CST2: variants seen among roughly 807,000 people sequenced by gnomAD.
CST2 encodes the protein cystatin SA, also known as cystatin-SA.
In CST2, 26 loss-of-function variants were observed where a neutral mutation model predicts 13.4. That is an observed-to-expected ratio of 1.95 (90% CI 1.43 to 2.70). CST2 has a LOEUF of 2.70. CST2 is among the 30% of genes most tolerant of loss of function. The pLI is 0.00. For missense variants in CST2, 243 were observed against 173.4 expected, an observed-to-expected ratio of 1.40 and a Z score of -2.25; for synonymous variants, 105 against 71.1, an observed-to-expected ratio of 1.48 and a Z score of -2.40.
chr20:23,824,754 C>T (rs1417621478), intron 2 of CST2, among the ~76,000 whole-genome samples: 1 of 152,100 alleles, frequency 6.6e-6, no homozygotes, highest in East Asian at 1.9e-4. Context: ...CCCACAGCTG[C>T]TTCTTCCTGT....
chr20:23,823,861 C>T lies in CST2; in HGVS notation c.*159G>A. On this transcript the variant is annotated 3_prime_UTR_variant, in exon 3 of 3. Coordinates refer to ENST00000304725, the MANE Select transcript of CST2 (RefSeq NM_001322.3). ...AAAGGAAGGAGGGAGGGCAGAGTCC[C>T]CTGCTGAGCAACAAAGGCCTCCTGC... The T allele has an allele frequency of 2.8e-6, 2 of 705,962 alleles. No individual in the cohort carries two copies. The highest frequency in any genetic ancestry group is 2.6e-5 in the Admixed American group (1 of 38,572). The allele number at this position is 705,962 out of a possible 1,614,324, so 43.7% of individuals were successfully genotyped here. A position where few individuals can be genotyped will look rare whatever the true frequency, so the allele number is the denominator to read the frequency against.
Position 23,825,227 on chromosome 20 carries a change from G to A in CST2, c.325C>T (p.Gln109Ter), listed in dbSNP as rs751505283. 1 of 1,614,162 alleles carries A rather than the reference G, an allele frequency of 6.2e-7. No individual in the cohort carries two copies. The highest frequency in any genetic ancestry group is 1.3e-5 in the African/African-American group (1 of 75,044). Residue 109 changes from glutamine (Q) to a stop codon, truncating the protein, a stop_gained, in exon 2 of 3, where the codon CAG (glutamine) becomes TAG (stop). Coordinates refer to ENST00000304725, the MANE Select transcript of CST2 (RefSeq NM_001322.3). LOFTEE classifies it high-confidence loss of function. ...GAACGTACCTTCTGCAGTTCTGGCT[G>A]TTCATGGAAGGCACAGGTGTCCAAG... ...PNLDTCAFHE[Q>*]PELQKKQLCS...
At chr20:23,824,178 A>C in intron 2 of CST2, 75 bp from the exon 3 acceptor site, 190 of 1,474,794 alleles carry the variant, frequency 1.3e-4, no homozygotes, top group Non-Finnish European at 1.5e-4. Context: ...ATGAGATGTC[A>C]CAGCCTGAGT....
rs1037223740 is a variant in CST2, at chr20:23,824,250, A to T, written c.343-147T>A. ...CCCCTGCTGAGTCCCAGAGCACTGA[A>T]CTAGAATGAATAGTGACTGTTCCAT... On this transcript the variant is annotated intron_variant, in intron 2 of 2. Transcript: ENST00000304725. The T allele has an allele frequency of 1.1e-5, 9 of 784,090 alleles. 1 individual carries two copies. The Admixed American group carries it at 2.0e-4, about 18-fold the overall frequency. 48.6% of individuals were successfully genotyped at this position (784,090 alleles called of 1,614,324 possible).
At position 23,823,972 on chromosome 20, in the gene CST2, A is replaced by C; in HGVS notation, c.*48T>G. 1 of 1,600,414 alleles carries C rather than the reference A, an allele frequency of 6.2e-7. No individual in the cohort carries two copies. Among genetic ancestry groups the C allele is most frequent in the African/African-American group, 1.3e-5 (1 of 74,716 alleles). ...ACCAGTCCAGGGGTGGGAGCACTACAAGGGGTGGGAGTAGGAGGTGGTCAG... is the reference window on the plus strand; with the variant it reads ...ACCAGTCCAGGGGTGGGAGCACTACCAGGGGTGGGAGTAGGAGGTGGTCAG... On this transcript the variant is annotated 3_prime_UTR_variant, in exon 3 of 3. Transcript: ENST00000304725.
rs946734123 is a variant in CST2, at chr20:23,824,035, C to T, written c.411G>A (p.Arg137=). ...GCACAGATCCCTAGGCTTCTTGACACCTGGAATTCACCAGGGACATTCTGT... is the reference window on the plus strand; with the variant it reads ...GCACAGATCCCTAGGCTTCTTGACATCTGGAATTCACCAGGGACATTCTGT... ...WEDRMSLVNS[R]CQEA Residue 137 remains arginine (R), a synonymous_variant, in exon 3 of 3, where the codon AGG becomes AGA. Transcript: ENST00000304725. 3 of 1,613,950 alleles carry T rather than the reference C, an allele frequency of 1.9e-6. No homozygotes were observed. The highest frequency in any genetic ancestry group is 2.7e-5 in the African/African-American group (2 of 74,902).
At position 23,824,005 on chromosome 20, in the gene CST2, C is replaced by CAGG. The variant is rs764882455; in HGVS notation, c.*14_*15insCCT. On this transcript the variant is annotated 3_prime_UTR_variant, in exon 3 of 3. Coordinates refer to ENST00000304725, the MANE Select transcript of CST2 (RefSeq NM_001322.3). ...GGAGTAGGAGGTGGTCAGTGTGACT[C>CAGG]CCTGGCACAGATCCCTAGGCTTCTT... 2 of 1,613,770 alleles carry CAGG rather than the reference C, an allele frequency of 1.2e-6. No individual in the cohort carries two copies. The highest frequency in any genetic ancestry group is 2.7e-5 in the African/African-American group (2 of 75,016).
intron 1 of CST2, among the ~76,000 whole-genome samples, chr20:23,825,546 A>T (rs35969757): frequency 3.9e-5 from 6 of 152,094 alleles, no homozygotes; most frequent in Admixed American, 6.5e-5. Context: ...AAAAGGATTC[A>T]TTGAATTCTG....
rs762458988 is a variant in CST2 at position 23,826,455 on chromosome 20, C to T, written c.206G>A (p.Arg69Gln). 15 of 1,614,016 alleles carry T rather than the reference C, an allele frequency of 9.3e-6. No homozygotes were observed. Among genetic ancestry groups the T allele is most frequent in the South Asian group, 6.6e-5 (6 of 91,084 alleles). ...CACCTGCTCCCTGGCTCGTAGCACC[C>T]GCAGCAGGCGTCTGTAGTACTCATC... ...TEDEYYRRLL[R>Q]VLRAREQIVG... Residue 69 changes from arginine (R) to glutamine (Q), a missense_variant, in exon 1 of 3, where the codon CGG becomes CAG. Arg to Gln is a conservative substitution (Grantham distance 43, BLOSUM62 1). Coordinates refer to ENST00000304725, the MANE Select transcript of CST2 (RefSeq NM_001322.3).
Position 23,826,606 on chromosome 20 carries a change from G to C in CST2, c.55C>G (p.Leu19Val), listed in dbSNP as rs370493214. Residue 19 changes from leucine to valine, a missense_variant, in exon 1 of 3, where the codon CTG becomes GTG. By Grantham distance (32) the Leu-to-Val change is conservative. Transcript: ENST00000304725. ...LLLLATQAVALAWSPQEEDRI... is the reference protein window; with the variant it reads ...LLLLATQAVAVAWSPQEEDRI... ...TCCTCCTCCTGGGGGCTCCAGGCCAGGGCCACAGCCTGGGTGGCCAGCAGG... is the reference window on the plus strand; with the variant it reads ...TCCTCCTCCTGGGGGCTCCAGGCCACGGCCACAGCCTGGGTGGCCAGCAGG... 73 of 1,613,250 alleles carry C rather than the reference G, an allele frequency of 4.5e-5. No individual in the cohort carries two copies. In the African/African-American group the frequency reaches 8.4e-4, roughly 19 times the overall value.
Position 23,826,523 on chromosome 20 carries a change from A to G in CST2, c.138T>C (p.Arg46=). 2 of 1,614,138 alleles carry G rather than the reference A, an allele frequency of 1.2e-6. No homozygotes were observed. Among genetic ancestry groups the G allele is most frequent in the Non-Finnish European group, 1.7e-6 (2 of 1,180,012 alleles). ...DADLNDERVQ[R]ALHFVISEYN... is the part of the protein sequence containing the mutation. ...ACTCGCTGATGACAAAGTGAAGGGCACGCTGTACCCGCTCATCATTGAGGT... is the reference window on the plus strand; with the variant it reads ...ACTCGCTGATGACAAAGTGAAGGGCGCGCTGTACCCGCTCATCATTGAGGT... Residue 46 remains arginine, a synonymous_variant, in exon 1 of 3, where the codon CGT becomes CGC. Transcript: ENST00000304725.
In CST2 at chr20:23,824,671, T is replaced by A. The variant is rs1289077802; in HGVS notation, c.342+539A>T. On this transcript the variant is annotated intron_variant, in intron 2 of 2. Transcript: ENST00000304725. Reference sequence around the variant, plus strand: ...CTCTAGGTCCCACTAATCTGATCATTGTGTCTGTGGCTGCATGCAGGTACC... The same window carrying A: ...CTCTAGGTCCCACTAATCTGATCATAGTGTCTGTGGCTGCATGCAGGTACC... 2.6e-5 allele frequency among the ~76,000 whole-genome samples: 4 copies of A among 152,152 alleles called. No individual in the cohort carries two copies. In the East Asian group the frequency reaches 7.7e-4, roughly 29 times the overall value.
intron 2 of CST2, 91 bp from the exon 3 acceptor site, chr20:23,824,194 G>A (rs1413172176): frequency 7.4e-7 from 1 of 1,348,896 alleles, no homozygotes; most frequent in South Asian, 1.3e-5. Flanking sequence ...TGAGTGAGGA[G>A]GATGGAGGTG....
At position 23,825,318 on chromosome 20, in the gene CST2, C is replaced by T. The variant is rs1461718235; in HGVS notation, c.234G>A (p.Val78=). The change falls in exon 2 of 3, where the codon GTG becomes GTA. Residue 78 remains valine, a synonymous_variant. Transcript: ENST00000304725. ...LRVLRAREQI[V]GGVNYFFDIE... Reference sequence around the variant, plus strand: ...TGTCGAAGAAGTAATTCACCCCGCCCACGATCTACACACATGAGAAAACAG... The same window carrying T: ...TGTCGAAGAAGTAATTCACCCCGCCTACGATCTACACACATGAGAAAACAG... 1.2e-6 allele frequency: 2 copies of T among 1,613,594 alleles called. No homozygotes were observed. Among genetic ancestry groups the T allele is most frequent in the South Asian group, 2.2e-5 (2 of 91,024 alleles).
At chr20:23,824,170 G>A (rs1984753852) in intron 2 of CST2, 67 bp from the exon 3 acceptor site, 3 of 1,522,046 alleles carry the variant, frequency 2.0e-6, no homozygotes, top group Admixed American at 1.7e-5. Context: ...ACCCAGGCAT[G>A]AGATGTCACA....
At chr20:23,826,137 A>G (rs546718039) in intron 1 of CST2, among the ~76,000 whole-genome samples, 10 of 152,332 alleles carry the variant, frequency 6.6e-5, no homozygotes, top group Non-Finnish European at 1.2e-4. Context: ...AGGGCTCTGC[A>G]GAACAGGAAG....
chr20:23,824,972 T>C (rs111778732), intron 2 of CST2, among the ~76,000 whole-genome samples: 10,659 of 151,766 alleles, frequency 0.07, 438 homozygotes, highest in African/African-American at 0.1. Flanking sequence ...GCACACATGC[T>C]CCCATACAGC....
rs978985614 is a variant in CST2, at chr20:23,825,090, A to T, written c.342+120T>A. 3.6e-6 allele frequency: 5 copies of T among 1,384,254 alleles called. No individual in the cohort carries two copies. In the African/African-American group the frequency reaches 7.0e-5, roughly 19 times the overall value. 85.7% of individuals were successfully genotyped at this position (1,384,254 alleles called of 1,614,324 possible). ...TGAACATGTATACATCCATGCATAC[A>T]TGACTCCCCACATACCCACCTGCAC... On this transcript the variant is annotated intron_variant, in intron 2 of 2. Coordinates refer to ENST00000304725, the MANE Select transcript of CST2 (RefSeq NM_001322.3).
chr20:23,826,697 AG>A lies in CST2; in HGVS notation c.-38del. 1.3e-6 allele frequency: 2 copies of A among 1,539,140 alleles called. No homozygotes were observed. Among genetic ancestry groups the A allele is most frequent in the Non-Finnish European group, 1.8e-6 (2 of 1,141,506 alleles). On this transcript the variant is annotated 5_prime_UTR_variant, in exon 1 of 3. Coordinates refer to ENST00000304725, the MANE Select transcript of CST2 (RefSeq NM_001322.3). ...AGGCAGAGCACAGAGCTGGAGCTGCAGGAGAGGAGGTTGAGAGCCTGAGGCG... is the reference window on the plus strand; with the variant it reads ...AGGCAGAGCACAGAGCTGGAGCTGCAGAGAGGAGGTTGAGAGCCTGAGGCG...
Sources: gnomAD v4.1 joint callset for allele counts (sites outside exome capture counted in the v4.1 genomes callset) on GRCh38, gnomAD v4.1.1 for gene constraint, MANE v1.5 for transcripts, NCBI Gene and HGNC (gene_info 2026-07-23, HGNC 2026-07-21) for gene names.